CPE: variants seen among roughly 807,000 people sequenced by gnomAD.
CPE encodes carboxypeptidase E.
CPE carries 17 observed loss-of-function variants against 53.5 expected under a neutral mutation model. The ratio of observed to expected loss-of-function variants is 0.32; its 90% confidence interval spans 0.22 to 0.48. The LOEUF is 0.48. Among genes scored for constraint, CPE ranks in the 20% least tolerant of loss-of-function variants. CPE has a pLI of 0.99. For missense variants in CPE, 524 were observed against 614.7 expected, an observed-to-expected ratio of 0.85 and a Z score of 1.56; for synonymous variants, 226 against 228.8, an observed-to-expected ratio of 0.99 and a Z score of 0.11.
chr4:165,417,263 GA>G (rs1731140107), intron 1 of CPE, among the ~76,000 whole-genome samples: 3 of 152,092 alleles, frequency 2.0e-5, no homozygotes. Context: ...AAATTTCCTA[GA>G]AGTCAAGTGT....
At chr4:165,433,788 T>C (rs1165512445) in intron 1 of CPE, among the ~76,000 whole-genome samples, 1 of 152,214 alleles carries the variant, frequency 6.6e-6, no homozygotes, top group Non-Finnish European at 1.5e-5. Context: ...ATGCAGAGGA[T>C]ATCCTGTCAG....
intron 1 of CPE, among the ~76,000 whole-genome samples, chr4:165,392,398 C>T (rs1730697738): frequency 1.4e-5 from 2 of 144,740 alleles, no homozygotes. Flanking sequence ...ATTATGCATA[C>T]ATATTCGGAG....
intron 1 of CPE, among the ~76,000 whole-genome samples, chr4:165,441,049 T>A (rs771521313): frequency 4.6e-5 from 7 of 152,172 alleles, no homozygotes; most frequent in Non-Finnish European, 8.8e-5. Flanking sequence ...GTCGGAGACG[T>A]GCAGGTGCTG....
intron 1 of CPE, among the ~76,000 whole-genome samples, chr4:165,409,241 T>A (rs1261053115): frequency 6.6e-6 from 1 of 152,174 alleles, no homozygotes; most frequent in African/African-American, 2.4e-5. Context: ...TCTCCCTGTG[T>A]TGCCCAGGCT....
chr4:165,402,217 C>G (rs78760332), intron 1 of CPE, among the ~76,000 whole-genome samples: 2,380 of 152,240 alleles, frequency 0.016, 59 homozygotes, highest in East Asian at 0.056. Context: ...CATTTTCAGC[C>G]TGATTCTCTC....
intron 1 of CPE, among the ~76,000 whole-genome samples, chr4:165,417,293 G>A (rs1373989893): frequency 6.6e-6 from 1 of 152,082 alleles, no homozygotes; most frequent in Non-Finnish European, 1.5e-5. Context: ...GAAAATATTT[G>A]GACTAAGTTA....
chr4:165,479,905 T>G (rs1732372920), intron 3 of CPE, among the ~76,000 whole-genome samples: 1 of 148,730 alleles, frequency 6.7e-6, no homozygotes. Context: ...GGCAGGAGAA[T>G]GGCGTGAACC....
At chr4:165,449,722 A>G (rs1457625221) in intron 1 of CPE, among the ~76,000 whole-genome samples, 1 of 151,642 alleles carries the variant, frequency 6.6e-6, no homozygotes, top group Admixed American at 6.6e-5. Context: ...TTGTTATTTA[A>G]TTATCTTCCC....
chr4:165,466,608 C>T (rs1004837211), intron 2 of CPE, among the ~76,000 whole-genome samples: 4 of 152,080 alleles, frequency 2.6e-5, no homozygotes, highest in African/African-American at 4.8e-5. Flanking sequence ...ACTCCGACTC[C>T]CTGGTTCAAG....
chr4:165,405,155 T>G (rs540462772), intron 1 of CPE: 1 of 768,968 alleles, frequency 1.3e-6, no homozygotes, highest in Non-Finnish European at 2.4e-6. Context: ...TTTGAACACT[T>G]GTTGCTGTCC....
chr4:165,483,855 G>C (rs1445297393), intron 4 of CPE, among the ~76,000 whole-genome samples: 1 of 152,206 alleles, frequency 6.6e-6, no homozygotes, highest in Non-Finnish European at 1.5e-5. Flanking sequence ...GAGTGTTGAA[G>C]AACGTCTTTG....
intron 8 of CPE, among the ~76,000 whole-genome samples, chr4:165,496,962 G>A (rs571607525): frequency 2.1e-4 from 32 of 151,942 alleles, no homozygotes; most frequent in African/African-American, 5.3e-4. Flanking sequence ...TTGCTCTGTC[G>A]CCCAGGCTGG....
At chr4:165,385,271 G>C (rs1015358797) in intron 1 of CPE, among the ~76,000 whole-genome samples, 22 of 151,906 alleles carry the variant, frequency 1.4e-4, no homozygotes, top group African/African-American at 5.1e-4. Context: ...GTGCTCCATG[G>C]CCTTTACACT....
rs371361798 is a variant in CPE, at chr4:165,379,543, C to T, written c.307+15C>T. ...CCATGAGCCTGGTAAGGGCGCTGCC[C>T]CCTGACAGCCCTGGGGGCATCCCGG... is the stretch of plus-strand genomic sequence containing the variant. On this transcript the variant is annotated intron_variant, in intron 1 of 8. Transcript: ENST00000402744. The surrounding 1 kb of genome is among the most constrained non-coding windows in gnomAD (Gnocchi z 6.0). 41 of 1,540,276 alleles carry T rather than the reference C, an allele frequency of 2.7e-5. No homozygotes were observed. The East Asian group carries it at 8.1e-4, about 30-fold the overall frequency.
At chr4:165,480,063 A>C (rs1732376763) in intron 3 of CPE, among the ~76,000 whole-genome samples, 1 of 152,096 alleles carries the variant, frequency 6.6e-6, no homozygotes, top group African/African-American at 2.4e-5. Context: ...TCACAGAAGA[A>C]TAAATAGAAA....
chr4:165,446,431 G>A (rs1475150034), intron 1 of CPE, among the ~76,000 whole-genome samples: 1 of 152,198 alleles, frequency 6.6e-6, no homozygotes. Flanking sequence ...GAATGCAGAT[G>A]GCCAATAAAT....
chr4:165,395,775 A>T (rs930425544), intron 1 of CPE, among the ~76,000 whole-genome samples: 2 of 152,240 alleles, frequency 1.3e-5, no homozygotes, highest in African/African-American at 2.4e-5. Context: ...GAGAATGCTC[A>T]CTAGGCACAT....
chr4:165,410,084 A>G (rs1731012635), intron 1 of CPE, among the ~76,000 whole-genome samples: 1 of 151,924 alleles, frequency 6.6e-6, no homozygotes, highest in Non-Finnish European at 1.5e-5. Flanking sequence ...CCCTTTCTTT[A>G]CTAAAAATAC....
At chr4:165,412,019 AATGTGTCAACAACTTGTAC>A (rs1731050059) in intron 1 of CPE, among the ~76,000 whole-genome samples, 1 of 152,204 alleles carries the variant, frequency 6.6e-6, no homozygotes. Context: ...TGGTCTTTCA[AATGTGTCAACAACTTGTAC>A]ACTGGAACAG....
Sources: gnomAD v4.1 joint callset for allele counts (sites outside exome capture counted in the v4.1 genomes callset) on GRCh38, gnomAD v4.1.1 for gene constraint, Gnocchi (gnomAD v3.1) non-coding constraint, MANE v1.5 for transcripts, NCBI Gene and HGNC (gene_info 2026-07-23, HGNC 2026-07-21) for gene names.